Variants in NTM observed in about 807,000 individuals in gnomAD.
NTM encodes neurotrimin.
Under a neutral mutation model 42.1 loss-of-function variants are expected in NTM, and 13 were observed. That is an observed-to-expected ratio of 0.31 (90% CI 0.20 to 0.49). NTM has a LOEUF of 0.49. Ranked by LOEUF, NTM falls within the 20% of genes least tolerant of loss-of-function variation. The probability of loss-of-function intolerance (pLI) is 0.99; values close to 1 mark genes in which losing one functional copy is unlikely to be tolerated. For missense variants in NTM, 373 were observed against 452.8 expected (o/e 0.82, Z 1.60); for synonymous variants, 187 against 179.2 (o/e 1.04, Z -0.35).
At chr11:131,540,573 A>G (rs1366403129) in intron 1 of NTM, 1 of 152,344 alleles carries the variant, frequency 6.6e-6, no homozygotes, top group Non-Finnish European at 1.5e-5. Context: ...TGGAGAGGGT[A>G]GTAGGTCAAT....
rs569459048 is a variant in NTM at position 131,959,034 on chromosome 11, G to A, written c.167+47386G>A. 7.9e-5 allele frequency among the ~76,000 whole-genome samples: 12 copies of A among 152,252 alleles called. No homozygotes were observed. In the South Asian group the frequency reaches 8.3e-4, roughly 11 times the overall value. ...TCAGAGATAAAAGACTTTGTTACTC[G>A]TGGCACAGCAGGCAGCATGAGCTCC... On this transcript the variant is annotated intron_variant, in intron 2 of 8. Coordinates refer to ENST00000683400, the MANE Select transcript of NTM (RefSeq NM_001352005.2).
intron 4 of NTM, among the ~76,000 whole-genome samples, chr11:132,238,510 C>T (rs2089532211): frequency 1.0e-5 from 1 of 98,840 alleles, no homozygotes; most frequent in South Asian, 3.3e-4. Flanking sequence ...AGAATCACCA[C>T]AGCAACCCAC....
intron 4 of NTM, among the ~76,000 whole-genome samples, chr11:132,283,589 A>G (rs899198653): frequency 6.6e-5 from 10 of 152,166 alleles, no homozygotes; most frequent in African/African-American, 2.4e-4. Flanking sequence ...AAAAATTGGC[A>G]TCTTAAAAAA....
chr11:131,622,281 A>G lies in NTM; in HGVS notation c.82+251393A>G, dbSNP rs11222719. On this transcript the variant is annotated intron_variant, in intron 1 of 8. Transcript: ENST00000683400. Reference sequence around the variant, plus strand: ...GCTGGTAAGAACAGAGGAAAGATGTATAAAAATAAAATAGGTGAATATATG... The same window carrying G: ...GCTGGTAAGAACAGAGGAAAGATGTGTAAAAATAAAATAGGTGAATATATG... 1.7e-3 allele frequency among the ~76,000 whole-genome samples: 262 copies of G among 152,348 alleles called. 1 individual carries two copies. The highest frequency in any genetic ancestry group is 2.8e-3 in the Non-Finnish European group (188 of 68,036).
intron 1 of NTM, among the ~76,000 whole-genome samples, chr11:131,614,363 C>A (rs1481186846): frequency 6.6e-6 from 1 of 152,258 alleles, no homozygotes; most frequent in Non-Finnish European, 1.5e-5. Context: ...CATGGAGACC[C>A]ACCCTGGCTG....
intron 1 of NTM, among the ~76,000 whole-genome samples, chr11:131,823,257 C>T (rs1043528931): frequency 5.3e-5 from 8 of 152,180 alleles, no homozygotes; most frequent in African/African-American, 1.9e-4. Flanking sequence ...AAAGTAACTG[C>T]CCCTTAGGCA....
At chr11:131,604,971 A>G (rs1460692198) in intron 1 of NTM, among the ~76,000 whole-genome samples, 3 of 151,954 alleles carry the variant, frequency 2.0e-5, no homozygotes, top group Non-Finnish European at 4.4e-5. Flanking sequence ...GTAGGCTACT[A>G]ATACGTTTTG....
intron 2 of NTM, among the ~76,000 whole-genome samples, chr11:131,968,851 TC>T (rs1458450373): frequency 1.3e-5 from 2 of 152,186 alleles, no homozygotes; most frequent in Non-Finnish European, 2.9e-5. Context: ...GATCCTTATT[TC>T]AACTATTTTC....
At chr11:131,868,409 T>C (rs2047438347) in intron 1 of NTM, among the ~76,000 whole-genome samples, 1 of 152,180 alleles carries the variant, frequency 6.6e-6, no homozygotes, top group South Asian at 2.1e-4. Context: ...CCTGTGGGCT[T>C]TCCGCACTCC....
intron 2 of NTM, among the ~76,000 whole-genome samples, chr11:131,993,965 T>C (rs1216805655): frequency 1.3e-5 from 2 of 148,200 alleles, no homozygotes; most frequent in Non-Finnish European, 3.0e-5. Flanking sequence ...ATCATGCCAT[T>C]GTACTCCAAT....
At chr11:131,997,028 C>G (rs1565910642) in intron 2 of NTM, among the ~76,000 whole-genome samples, 1 of 152,212 alleles carries the variant, frequency 6.6e-6, no homozygotes, top group Admixed American at 6.5e-5. Context: ...TGAACATGGT[C>G]AGCTTCACCA....
chr11:132,079,731 A>G (rs149939378), intron 2 of NTM, among the ~76,000 whole-genome samples: 165 of 152,304 alleles, frequency 1.1e-3, no homozygotes, highest in African/African-American at 3.5e-3. Flanking sequence ...AGTGTACACA[A>G]TGTTCTGGAT....
At chr11:131,842,882 A>G (rs2044443785) in intron 1 of NTM, among the ~76,000 whole-genome samples, 1 of 152,008 alleles carries the variant, frequency 6.6e-6, no homozygotes, top group Non-Finnish European at 1.5e-5. Flanking sequence ...GTGGTGCCGC[A>G]TGCCTGTAAT....
chr11:131,518,856 C>G (rs2049226805), intron 1 of NTM, among the ~76,000 whole-genome samples: 1 of 152,172 alleles, frequency 6.6e-6, no homozygotes, highest in Admixed American at 6.5e-5. Context: ...ATGGCTGTTT[C>G]CATAGATACC....
chr11:132,075,114 T>G (rs1245465169), intron 2 of NTM, among the ~76,000 whole-genome samples: 1 of 152,164 alleles, frequency 6.6e-6, no homozygotes, highest in Non-Finnish European at 1.5e-5. Context: ...ATGATTCCAC[T>G]GATGTGAGAT....
chr11:131,597,438 C>G (rs1198749949), intron 1 of NTM, among the ~76,000 whole-genome samples: 2 of 152,164 alleles, frequency 1.3e-5, no homozygotes, highest in Non-Finnish European at 2.9e-5. Context: ...CAGCAAATTC[C>G]AGCTGGGAAA....
chr11:131,782,734 G>A (rs535453015), intron 1 of NTM, among the ~76,000 whole-genome samples: 57 of 152,182 alleles, frequency 3.7e-4, no homozygotes, highest in African/African-American at 1.3e-3. Context: ...ATAAAATGAA[G>A]GGGACAAAAA....
chr11:132,000,573 G>T (rs71485709), intron 2 of NTM, among the ~76,000 whole-genome samples: 2 of 152,128 alleles, frequency 1.3e-5, no homozygotes, highest in African/African-American at 4.8e-5. Flanking sequence ...CTATCCCATT[G>T]TGTGGCATGA....
At chr11:131,677,769 A>C (rs1165776359) in intron 1 of NTM, among the ~76,000 whole-genome samples, 1 of 152,252 alleles carries the variant, frequency 6.6e-6, no homozygotes, top group African/African-American at 2.4e-5. Context: ...TCATGCAGTC[A>C]GGAAATGTCA....
Sources: gnomAD v4.1 joint callset for allele counts (sites outside exome capture counted in the v4.1 genomes callset) on GRCh38, gnomAD v4.1.1 for gene constraint, MANE v1.5 for transcripts, NCBI Gene and HGNC (gene_info 2026-07-23, HGNC 2026-07-21) for gene names.